SDK1: variants seen among roughly 807,000 people sequenced by gnomAD.
SDK1 encodes the protein sidekick cell adhesion molecule 1.
A neutral mutation model predicts 245.5 loss-of-function variants in SDK1; 157 were observed. That is an observed-to-expected ratio of 0.64 (90% CI 0.56 to 0.73). SDK1 has a LOEUF of 0.73. Ranked by LOEUF, SDK1 falls within the 30% of genes least tolerant of loss-of-function variation. SDK1 has a pLI of 0.00. For missense variants in SDK1, 3,583 were observed against 3,002.3 expected, an observed-to-expected ratio of 1.19 and a Z score of -4.52; for synonymous variants, 1,647 against 1,278.5, an observed-to-expected ratio of 1.29 and a Z score of -6.15.
chr7:3,857,109 C>CT (rs1428241450), intron 5 of SDK1, among the ~76,000 whole-genome samples: 2 of 152,016 alleles, frequency 1.3e-5, no homozygotes, highest in African/African-American at 4.8e-5. Flanking sequence ...TCTTAGTCAC[C>CT]TGGGTATAGA....
chr7:3,845,481 T>C (rs1473526469), intron 5 of SDK1, among the ~76,000 whole-genome samples: 242 of 105,076 alleles, frequency 2.3e-3, no homozygotes, highest in African/African-American at 9.6e-3. Context: ...AGAGTGAGAC[T>C]CCGTCTCAAA....
intron 22 of SDK1, among the ~76,000 whole-genome samples, chr7:4,082,373 A>G (rs549280927): frequency 6.6e-6 from 1 of 152,082 alleles, no homozygotes; most frequent in Non-Finnish European, 1.5e-5. Context: ...CATCTCTACT[A>G]AAAATACAAA....
At chr7:4,045,616 C>T (rs201750739) in intron 17 of SDK1, among the ~76,000 whole-genome samples, 17 of 152,146 alleles carry the variant, frequency 1.1e-4, no homozygotes, top group African/African-American at 3.6e-4. Context: ...TACCGGGTCA[C>T]GTGGCTCGCG....
intron 7 of SDK1, chr7:3,958,016 T>A (rs1381250746): frequency 2.1e-6 from 1 of 470,922 alleles, no homozygotes; most frequent in Non-Finnish European, 4.4e-6. Flanking sequence ...TGCTTAGTTT[T>A]CATTTCTCTT....
intron 12 of SDK1, 22 bp downstream of exon 12, chr7:3,971,590 G>T (rs1187395483): frequency 6.6e-7 from 1 of 1,519,140 alleles, no homozygotes. Flanking sequence ...CAGTTACAAT[G>T]CTTTGGGGCT....
intron 5 of SDK1, among the ~76,000 whole-genome samples, chr7:3,947,103 T>C (rs1264167235): frequency 6.6e-6 from 1 of 152,192 alleles, no homozygotes; most frequent in Non-Finnish European, 1.5e-5. Context: ...AAACAGTATG[T>C]GTAGGCCTTT....
chr7:4,225,076 C>T (rs947910265), intron 40 of SDK1, among the ~76,000 whole-genome samples: 5 of 149,848 alleles, frequency 3.3e-5, no homozygotes, highest in African/African-American at 4.9e-5. Context: ...CCTCCCTGAA[C>T]GCCTGCCTCC....
At chr7:3,567,546 A>G (rs1404016838) in intron 1 of SDK1, among the ~76,000 whole-genome samples, 1 of 152,208 alleles carries the variant, frequency 6.6e-6, no homozygotes, top group African/African-American at 2.4e-5. Context: ...AAAAAAGGTA[A>G]ATGAGGTACA....
intron 1 of SDK1, among the ~76,000 whole-genome samples, chr7:3,559,028 T>G (rs985766909): frequency 6.6e-6 from 1 of 152,178 alleles, no homozygotes; most frequent in African/African-American, 2.4e-5. Flanking sequence ...AATATCCTGT[T>G]GCATACAGGA....
chr7:3,727,134 G>A (rs764828965), intron 4 of SDK1, among the ~76,000 whole-genome samples: 8 of 152,208 alleles, frequency 5.3e-5, no homozygotes, highest in Non-Finnish European at 1.2e-4. Flanking sequence ...CTCTTTTGAA[G>A]GGACTGATTT....
intron 4 of SDK1, among the ~76,000 whole-genome samples, chr7:3,656,947 C>T (rs1327728756): frequency 6.6e-6 from 1 of 151,858 alleles, no homozygotes; most frequent in Non-Finnish European, 1.5e-5. Flanking sequence ...CGGGGTTTCA[C>T]CTTGTTAGCC....
intron 5 of SDK1, among the ~76,000 whole-genome samples, chr7:3,907,043 T>A (rs1340912388): frequency 6.6e-6 from 1 of 152,224 alleles, no homozygotes; most frequent in Non-Finnish European, 1.5e-5. Flanking sequence ...TACGTCCTTG[T>A]AGCAGGAATA....
intron 1 of SDK1, among the ~76,000 whole-genome samples, chr7:3,578,861 G>A (rs1346938830): frequency 6.6e-6 from 1 of 151,504 alleles, no homozygotes; most frequent in African/African-American, 2.4e-5. Flanking sequence ...AAACACACAT[G>A]TTTTACAATC....
chr7:3,784,379 A>G (rs1780838266), intron 4 of SDK1, among the ~76,000 whole-genome samples: 1 of 152,088 alleles, frequency 6.6e-6, no homozygotes, highest in Non-Finnish European at 1.5e-5. Flanking sequence ...TCAACTCAAA[A>G]TGGATTAAAG....
chr7:3,779,401 A>G (rs891617440), intron 4 of SDK1, among the ~76,000 whole-genome samples: 131 of 152,260 alleles, frequency 8.6e-4, no homozygotes, highest in African/African-American at 3.1e-3. Context: ...GGAGACATCG[A>G]ACAGTAGTTG....
chr7:3,653,472 T>G (rs1315095516), intron 4 of SDK1, among the ~76,000 whole-genome samples: 1 of 151,906 alleles, frequency 6.6e-6, no homozygotes, highest in African/African-American at 2.4e-5. Flanking sequence ...GTGAGAAGTG[T>G]AAGACTCCAA....
chr7:3,411,866 C>T (rs1322164312), intron 1 of SDK1, among the ~76,000 whole-genome samples: 1 of 151,996 alleles, frequency 6.6e-6, no homozygotes, highest in East Asian at 1.9e-4. Flanking sequence ...TAGGTATGAA[C>T]CCATTGCCTA....
At chr7:3,660,909 A>G (rs1253861920) in intron 4 of SDK1, among the ~76,000 whole-genome samples, 1 of 152,186 alleles carries the variant, frequency 6.6e-6, no homozygotes, top group African/African-American at 2.4e-5. Flanking sequence ...GAGATACATT[A>G]TGTCCTTTGG....
At chr7:3,965,922 G>A (rs1782048450) in intron 9 of SDK1, among the ~76,000 whole-genome samples, 1 of 151,976 alleles carries the variant, frequency 6.6e-6, no homozygotes, top group Non-Finnish European at 1.5e-5. Context: ...GTGTGCAGGT[G>A]AAGGGAGGCG....
Sources: gnomAD v4.1 joint callset for allele counts (sites outside exome capture counted in the v4.1 genomes callset) on GRCh38, gnomAD v4.1.1 for gene constraint, MANE v1.5 for transcripts, NCBI Gene and HGNC (gene_info 2026-07-23, HGNC 2026-07-21) for gene names.